The following TESPA1 variants were observed in gnomAD, a reference collection of about 807,000 sequenced individuals.
The protein encoded by TESPA1 is protein TESPA1.
TESPA1 carries 33 observed loss-of-function variants against 57.9 expected under a neutral mutation model. The ratio of observed to expected loss-of-function variants is 0.57; its 90% CI spans 0.43 to 0.76. The LOEUF (loss-of-function observed/expected upper bound fraction) is 0.76. Ranked by LOEUF, TESPA1 falls within the 30% of genes least tolerant of loss-of-function variation. TESPA1 has a pLI of 0.00. For synonymous variants in TESPA1, 227 were observed against 228.9 expected, an observed-to-expected ratio of 0.99 and a Z score of 0.07; for missense variants, 618 against 632.9, an observed-to-expected ratio of 0.98 and a Z score of 0.25.
In TESPA1 at chr12:54,967,197, G is replaced by C. The variant is rs1481801018; in HGVS notation, c.296C>G (p.Thr99Ser). 6.2e-7 allele frequency: 1 copy of C among 1,612,724 alleles called. No individual in the cohort carries two copies. The highest frequency in any genetic ancestry group is 8.5e-7 in the Non-Finnish European group (1 of 1,179,602). Reference sequence around the variant, plus strand: ...GTGCCACTTACCCTCCGCTCCCAGGGTCAAGTCATCTTCAAAGCTGGTCCC... The same window carrying C: ...GTGCCACTTACCCTCCGCTCCCAGGCTCAAGTCATCTTCAAAGCTGGTCCC... Reference protein sequence around the residue: ...SHGTSFEDDLTLGAEATLLAA... With the variant: ...SHGTSFEDDLSLGAEATLLAA... The change falls in exon 5 of 11, where the codon ACC (threonine) becomes AGC (serine). Residue 99 changes from threonine to serine, a missense_variant. This residue lies in a region of TESPA1 where 199 missense variants were observed against 184.0 expected (regional missense o/e 1.08). Transcript: ENST00000449076.
In TESPA1 at chr12:54,962,924, T is replaced by C; in HGVS notation, c.974A>G (p.Glu325Gly). The part of the protein sequence containing the change: ...VVLEVMDKVK[E>G]EKQFLQQDSD... Reference sequence around the variant, plus strand: ...GTCTTGCTGGAGGAACTGCTTCTCTTCTTTCACTTTGTCCATCACTTCCAA... The same window carrying C: ...GTCTTGCTGGAGGAACTGCTTCTCTCCTTTCACTTTGTCCATCACTTCCAA... The change falls in exon 9 of 11, where the codon GAA (glutamate) becomes GGA (glycine). Residue 325 changes from glutamate to glycine, a missense_variant. Glu to Gly is a moderately conservative substitution (Grantham distance 98). Around this residue, in one of 3 missense-constraint regions of TESPA1, gnomAD observed 409 missense variants for 420.1 expected, o/e 0.97. Transcript: ENST00000449076. 8 of 1,613,774 alleles carry C rather than the reference T, an allele frequency of 5.0e-6. No homozygotes were observed. The highest frequency in any genetic ancestry group is 6.8e-6 in the Non-Finnish European group (8 of 1,179,838).
chr12:54,979,208 A>AG (rs1174552348), intron 1 of TESPA1, among the ~76,000 whole-genome samples: 1 of 71,636 alleles, frequency 1.4e-5, no homozygotes, highest in East Asian at 0.014. Context: ...TCTCCTATTT[A>AG]AAAAAAATAT....
rs1951058973 is a variant in TESPA1, at chr12:54,961,282, C to T, written c.1468-15G>A. ...TTGCTTTGCACCTGTAACCAAGATC[C>T]CACAGAACTCAGCCAGAGCCAAGGG... On this transcript the variant is annotated splice_polypyrimidine_tract_variant and intron_variant, in intron 9 of 10. Coordinates refer to ENST00000449076, the MANE Select transcript of TESPA1 (RefSeq NM_001136030.3). 5 of 1,613,660 alleles carry T rather than the reference C, an allele frequency of 3.1e-6. No individual in the cohort carries two copies. The East Asian group carries it at 1.1e-4, about 36-fold the overall frequency.
chr12:54,973,341 C>G (rs570869924), intron 3 of TESPA1, 136 bp downstream of exon 3: 17 of 1,289,796 alleles, frequency 1.3e-5, no homozygotes, highest in Non-Finnish European at 1.9e-5. Flanking sequence ...ACCCCTCCAA[C>G]CACCATCTCA....
At chr12:54,957,619 C>A (rs1565827220) in intron 10 of TESPA1, among the ~76,000 whole-genome samples, 3 of 152,142 alleles carry the variant, frequency 2.0e-5, no homozygotes, top group Non-Finnish European at 2.9e-5. Context: ...AACAAATGCA[C>A]AGGACATTGG....
Position 54,966,410 on chromosome 12 carries a change from C to T in TESPA1, c.325G>A (p.Ala109Thr), listed in dbSNP as rs200958597. Residue 109 changes from alanine to threonine, a missense_variant, in exon 6 of 11, where the codon GCC becomes ACC. Ala to Thr is a moderately conservative substitution (Grantham distance 58). Around this residue, in one of 3 missense-constraint regions of TESPA1, gnomAD observed 199 missense variants for 184.0 expected, o/e 1.08. Coordinates refer to ENST00000449076, the MANE Select transcript of TESPA1 (RefSeq NM_001136030.3). ...TACCTGGAGAAGAGTTTGCCATTGG[C>T]GGCCAGTAGTGTGGCTGGACAAGAA... ...TLGAEATLLA[A>T]NGKLFSRSFL... 4.4e-5 allele frequency: 71 copies of T among 1,613,588 alleles called. No homozygotes were observed. Among genetic ancestry groups the T allele is most frequent in the Middle Eastern group, 1.7e-4 (1 of 6,060 alleles).
intron 10 of TESPA1, among the ~76,000 whole-genome samples, chr12:54,953,363 T>C (rs547397035): frequency 6.6e-6 from 1 of 152,282 alleles, no homozygotes; most frequent in East Asian, 1.9e-4. Flanking sequence ...CCATAAGATA[T>C]TGTGGTATTC....
At position 54,949,562 on chromosome 12, in the gene TESPA1, G is replaced by A. The variant is rs1264718329; in HGVS notation, c.*830C>T. The stretch of plus-strand genomic sequence containing the variant: ...AGAGCACTGCATGTGCTCAAGCCCT[G>A]TTTATTGACAAAACATTTAACTTCC... On this transcript the variant is annotated 3_prime_UTR_variant, in exon 11 of 11. Coordinates refer to ENST00000449076, the MANE Select transcript of TESPA1 (RefSeq NM_001136030.3). 3 of 152,150 alleles carry A rather than the reference G, an allele frequency of 2.0e-5. No individual in the cohort carries two copies. Among genetic ancestry groups the A allele is most frequent in the Non-Finnish European group, 1.5e-5 (1 of 67,996 alleles). 9.4% of individuals were successfully genotyped at this position (152,150 alleles called of 1,614,324 possible).
At chr12:54,968,503 C>T (rs1951594203) in intron 3 of TESPA1, among the ~76,000 whole-genome samples, 1 of 152,184 alleles carries the variant, frequency 6.6e-6, no homozygotes, top group African/African-American at 2.4e-5. Context: ...AGAGACAGCT[C>T]AGTTTTACAA....
At chr12:54,967,634 G>A (rs35798949) in intron 4 of TESPA1, among the ~76,000 whole-genome samples, 15,948 of 152,170 alleles carry the variant, frequency 0.1, 904 homozygotes, top group Non-Finnish European at 0.12. Flanking sequence ...ATGACTGTTA[G>A]TGAGCCTGTG....
Position 54,956,506 on chromosome 12 carries a change from T to A in TESPA1, c.*1+4662A>T, listed in dbSNP as rs576953021. Among the ~76,000 whole-genome samples the A allele has an allele frequency of 9.9e-5, 15 of 152,270 alleles. No individual in the cohort carries two copies. The South Asian group carries it at 1.2e-3, about 13-fold the overall frequency. ...GAAACCAATAGAAAGGGCTGTGAAT[T>A]TGACATTTTTGAGCATGGTGGAAAT... On this transcript the variant is annotated intron_variant, in intron 10 of 10. Transcript: ENST00000449076.
intron 3 of TESPA1, among the ~76,000 whole-genome samples, chr12:54,969,790 G>T (rs980110520): frequency 6.6e-6 from 1 of 152,112 alleles, no homozygotes; most frequent in Non-Finnish European, 1.5e-5. Flanking sequence ...TACAAGTCAG[G>T]GTATTTGTTA....
intron 10 of TESPA1, among the ~76,000 whole-genome samples, chr12:54,954,372 T>C (rs1950603551): frequency 6.6e-6 from 1 of 152,216 alleles, no homozygotes; most frequent in Non-Finnish European, 1.5e-5. Context: ...CACTTCTGTA[T>C]CTTCTTTTCT....
At chr12:54,965,168 T>G (rs1425974309) in intron 7 of TESPA1, among the ~76,000 whole-genome samples, 1 of 152,324 alleles carries the variant, frequency 6.6e-6, no homozygotes, top group East Asian at 1.9e-4. Flanking sequence ...ATTTGTCCGC[T>G]TCATCTTTTC....
rs1273320121 is a variant in TESPA1, at chr12:54,962,767, T to C, written c.1131A>G (p.Ala377=). ...GGTTCGAATCCAGAGTTTGGGATGG[T>C]GCTAGCACTGTGGACATCCTCTGCT... ...ETQQRMSTVL[A]PSQTLDSNPK... Residue 377 remains alanine, a synonymous_variant, in exon 9 of 11, where the codon GCA becomes GCG. Transcript: ENST00000449076. The C allele has an allele frequency of 1.2e-6, 2 of 1,613,712 alleles. No homozygotes were observed. The highest frequency in any genetic ancestry group is 1.7e-6 in the Non-Finnish European group (2 of 1,179,878).
At position 54,960,890 on chromosome 12, in the gene TESPA1, C is replaced by T. The variant is rs536156857; in HGVS notation, c.*1+278G>A. Among the ~76,000 whole-genome samples the T allele has an allele frequency of 1.1e-3, 164 of 152,298 alleles. 1 individual carries two copies. The highest frequency in any genetic ancestry group is 3.1e-3 in the East Asian group (16 of 5,180). ...TTGGTTCTATCCAGGCCAATTCAAT[C>T]AGACACTCTGGGAGCTGGGATCTGG... On this transcript the variant is annotated intron_variant, in intron 10 of 10. Coordinates refer to ENST00000449076, the MANE Select transcript of TESPA1 (RefSeq NM_001136030.3).
intron 2 of TESPA1, chr12:54,973,753 C>A: frequency 1.5e-6 from 2 of 1,295,442 alleles, no homozygotes; most frequent in East Asian, 3.1e-5. Context: ...GGAAAGTGCC[C>A]AAGATGTCAG....
intron 2 of TESPA1, 40 bp from the exon 3 acceptor site, chr12:54,973,559 G>T (rs748022523): frequency 2.5e-6 from 4 of 1,613,710 alleles, no homozygotes; most frequent in Non-Finnish European, 3.4e-6. Context: ...AGAACTGAAC[G>T]AAATCAGACC....
chr12:54,953,672 CT>C (rs1950544206), intron 10 of TESPA1, among the ~76,000 whole-genome samples: 1 of 152,102 alleles, frequency 6.6e-6, no homozygotes, highest in South Asian at 2.1e-4. Flanking sequence ...GGACCCGCCA[CT>C]ACGCCTGGCT....
Sources: allele counts gnomAD v4.1 joint callset (sites outside exome capture counted in the v4.1 genomes callset), GRCh38; gene constraint gnomAD v4.1.1; regional missense constraint gnomAD v4.1.1; transcripts MANE v1.5; gene names NCBI Gene and HGNC (gene_info 2026-07-23, HGNC 2026-07-21).